GREB1: variants seen among roughly 807,000 people sequenced by gnomAD.
GREB1 encodes protein GREB1.
GREB1 carries 106 observed loss-of-function variants against 200.7 expected under a neutral mutation model. The observed-to-expected ratio is 0.53, with a 90% CI of 0.45 to 0.62. The LOEUF (loss-of-function observed/expected upper bound fraction) is 0.62. GREB1 is among the 20% of genes least tolerant of loss of function. The pLI is 0.00. For synonymous variants in GREB1, 1,132 were observed against 1,092.4 expected, an observed-to-expected ratio of 1.04 and a Z score of -0.72; for missense variants, 2,243 against 2,556.8, an observed-to-expected ratio of 0.88 and a Z score of 2.65.
intron 4 of GREB1, among the ~76,000 whole-genome samples, chr2:11,575,858 CTT>C (rs1424346449): frequency 1.3e-5 from 2 of 152,208 alleles, no homozygotes; most frequent in African/African-American, 4.8e-5. Context: ...TGGGATGGCT[CTT>C]GTCTTGCAAA....
At chr2:11,618,254 T>C (rs765591110) in intron 21 of GREB1, 34 bp from the exon 22 acceptor site, 2 of 1,530,360 alleles carry the variant, frequency 1.3e-6, no homozygotes, top group African/African-American at 1.4e-5. Context: ...AGGTACCTTC[T>C]AGGACGTCCC....
Position 11,492,407 on chromosome 2 carries a change from C to T in GREB1, c.-159+10026C>T, listed in dbSNP as rs565665502. 6.6e-6 allele frequency among the ~76,000 whole-genome samples: 1 copy of T among 152,332 alleles called. No individual in the cohort carries two copies. The highest frequency in any genetic ancestry group is 2.1e-4 in the South Asian group (1 of 4,830). On this transcript the variant is annotated intron_variant, in intron 1 of 2. Transcript: ENST00000628795. This position sits in a 1 kb window ranked among gnomAD's most constrained non-coding sequence, Gnocchi z 4.0. ...AAGACTGAGTCAGCTGTACTCCTGG[C>T]CATGTGTACAGAATTTCCGCAAAAG...
At chr2:11,595,979 G>A in intron 12 of GREB1, 132 bp from the exon 13 acceptor site, 1 of 807,108 alleles carries the variant, frequency 1.2e-6, no homozygotes, top group Non-Finnish European at 2.0e-6. Flanking sequence ...CCCCTTGACA[G>A]GACGGGCCAT....
At chr2:11,586,462 T>C (rs573377190) in intron 9 of GREB1, among the ~76,000 whole-genome samples, 8 of 152,218 alleles carry the variant, frequency 5.3e-5, no homozygotes, top group Non-Finnish European at 1.2e-4. Flanking sequence ...GGGTAGACTT[T>C]TGGCTCAGCT....
rs775836380 is a variant in GREB1, at chr2:11,634,266, A to G, written c.5127A>G (p.Gln1709=). The G allele has an allele frequency of 1.2e-6, 2 of 1,614,196 alleles. No homozygotes were observed. The highest frequency in any genetic ancestry group is 2.2e-5 in the South Asian group (2 of 91,084). The change falls in exon 29 of 33, where the codon CAA becomes CAG. Residue 1709 remains glutamine (Q), a synonymous_variant. Transcript: ENST00000381486. Reference sequence around the variant, plus strand: ...GCAAGACCCGGGCCAGCGAGGTGCAAGAGCCCTTCTCCCGCTGCCACGTGC... The same window carrying G: ...GCAAGACCCGGGCCAGCGAGGTGCAGGAGCCCTTCTCCCGCTGCCACGTGC... ...WSSKTRASEV[Q]EPFSRCHVHN... is the part of the protein sequence containing the mutation.
intron 16 of GREB1, 95 bp from the exon 17 acceptor site, chr2:11,602,311 T>C: frequency 2.7e-6 from 3 of 1,092,386 alleles, no homozygotes; most frequent in Non-Finnish European, 4.2e-6. Flanking sequence ...TTGGATGAAG[T>C]TGCCAACCCA....
rs1239903664 is a variant in GREB1 at position 11,633,980 on chromosome 2, C to A, written c.4992-151C>A. Reference sequence around the variant, plus strand: ...ATGAGCGCCCGTGGGAAGCGCCCAGCAGGGTGCCTGGCCCTGGGGGGACTG... The same window carrying A: ...ATGAGCGCCCGTGGGAAGCGCCCAGAAGGGTGCCTGGCCCTGGGGGGACTG... On this transcript the variant is annotated intron_variant, in intron 28 of 32. Transcript: ENST00000381486. The surrounding 1 kb of genome is among the most constrained non-coding windows in gnomAD (Gnocchi z 4.1). 1.4e-6 allele frequency: 1 copy of A among 698,666 alleles called. No homozygotes were observed. The highest frequency in any genetic ancestry group is 2.5e-6 in the Non-Finnish European group (1 of 394,632). 43.3% of individuals were successfully genotyped at this position (698,666 alleles called of 1,614,324 possible). A position where few individuals can be genotyped will look rare whatever the true frequency, so the allele number is the denominator to read the frequency against.
At chr2:11,518,258 T>G (rs1673577460) in intron 1 of GREB1, among the ~76,000 whole-genome samples, 1 of 152,196 alleles carries the variant, frequency 6.6e-6, no homozygotes, top group South Asian at 2.1e-4. Flanking sequence ...AATTTATGAC[T>G]TTGCAATCAT....
At chr2:11,536,811 A>G (rs1004238917) in intron 1 of GREB1, among the ~76,000 whole-genome samples, 3 of 152,190 alleles carry the variant, frequency 2.0e-5, no homozygotes, top group South Asian at 4.1e-4. Context: ...AGTCATTGCA[A>G]TTCACACCTA....
At chr2:11,551,767 A>C (rs548950484) in intron 1 of GREB1, among the ~76,000 whole-genome samples, 1 of 152,300 alleles carries the variant, frequency 6.6e-6, no homozygotes, top group South Asian at 2.1e-4. Flanking sequence ...ATTCCCGGTC[A>C]TGGAACCAAG....
rs200154492 is a variant in GREB1 at position 11,598,843 on chromosome 2, G to A, written c.2316G>A (p.Ala772=). 208 of 1,613,818 alleles carry A rather than the reference G, an allele frequency of 1.3e-4. 1 individual carries two copies. Among genetic ancestry groups the A allele is most frequent in the Admixed American group, 2.3e-4 (14 of 60,020 alleles). Residue 772 remains alanine, a synonymous_variant, in exon 15 of 33, where the codon GCG becomes GCA. Transcript: ENST00000381486. ...TTTTTGTCCTAATCCATGACCATGC[G>A]CACTGGGATCTTGTGAGGTTAGATT... ...HTLFVLIHDH[A]HWDLVSSTVH... is the part of the protein sequence containing the mutation.
chr2:11,509,311 C>T (rs1558490575), intron 1 of GREB1, among the ~76,000 whole-genome samples: 1 of 151,912 alleles, frequency 6.6e-6, no homozygotes, highest in Admixed American at 6.6e-5. Context: ...TTTATGAGCC[C>T]CCATATATAT....
intron 25 of GREB1, among the ~76,000 whole-genome samples, chr2:11,628,131 C>G (rs1684613910): frequency 6.6e-6 from 1 of 152,236 alleles, no homozygotes; most frequent in Non-Finnish European, 1.5e-5. Context: ...TCAGTGGGAA[C>G]TCCAAGTGGA....
At position 11,610,742 on chromosome 2, in the gene GREB1, C is replaced by T. The variant is rs576179551; in HGVS notation, c.2721C>T (p.Tyr907=). 66 of 1,613,472 alleles carry T rather than the reference C, an allele frequency of 4.1e-5. 1 individual carries two copies. In the East Asian group the frequency reaches 1.1e-3, roughly 28 times the overall value. ...VIRTFVLVQH[Y]AAALMAVSGL... is the part of the protein sequence containing the mutation. ...GGACCTTTGTTCTCGTGCAGCACTACGCGGCCGCCCTGATGGCCGTAAGCG... is the reference window on the plus strand; with the variant it reads ...GGACCTTTGTTCTCGTGCAGCACTATGCGGCCGCCCTGATGGCCGTAAGCG... The change falls in exon 18 of 33, where the codon TAC becomes TAT. Residue 907 remains tyrosine, a synonymous_variant. Coordinates refer to ENST00000381486, the MANE Select transcript of GREB1 (RefSeq NM_014668.4).
At chr2:11,605,192 T>TG (rs1558621411) in intron 17 of GREB1, among the ~76,000 whole-genome samples, 2 of 129,398 alleles carry the variant, frequency 1.5e-5, no homozygotes, top group South Asian at 2.6e-4. Flanking sequence ...GCAGCTTTAA[T>TG]GGGGAATAAC....
Position 11,607,540 on chromosome 2 carries a change from A to G in GREB1, c.2667-3148A>G, listed in dbSNP as rs1558625097. 2.4e-3 allele frequency among the ~76,000 whole-genome samples: 345 copies of G among 146,380 alleles called. 2 individuals carry two copies. The highest frequency in any genetic ancestry group is 8.1e-3 in the African/African-American group (319 of 39,330). On this transcript the variant is annotated intron_variant, in intron 17 of 32. Transcript: ENST00000381486. Reference sequence around the variant, plus strand: ...CATACATATATATACACATATATATACATATATGTACATACATATATATAC... The same window carrying G: ...CATACATATATATACACATATATATGCATATATGTACATACATATATATAC...
rs140242339 is a variant in GREB1, at chr2:11,623,891, G to C, written c.4148-1263G>C. ...CACTCCAGCCTGGGTGACAGAGCGA[G>C]ACTCTGTCTCAAGAAAAAAACAACA... On this transcript the variant is annotated intron_variant, in intron 23 of 32. Transcript: ENST00000381486. Among the ~76,000 whole-genome samples the C allele has an allele frequency of 2.1e-3, 320 of 152,180 alleles. 5 individuals carry two copies. The highest frequency in any genetic ancestry group is 7.5e-3 in the African/African-American group (312 of 41,536).
At chr2:11,562,870 AT>A in intron 3 of GREB1, 1 of 268,262 alleles carries the variant, frequency 3.7e-6, no homozygotes. Context: ...CCAGACATTC[AT>A]TTTTCTGTGT....
intron 1 of GREB1, among the ~76,000 whole-genome samples, chr2:11,502,726 CAG>C (rs1355092611): frequency 6.6e-6 from 1 of 152,132 alleles, no homozygotes; most frequent in Non-Finnish European, 1.5e-5. Flanking sequence ...TTATTGACCT[CAG>C]ATATTGTACC....
Sources: gnomAD v4.1 joint callset for allele counts (sites outside exome capture counted in the v4.1 genomes callset) on GRCh38, gnomAD v4.1.1 for gene constraint, Gnocchi (gnomAD v3.1) non-coding constraint, MANE v1.5 for transcripts, NCBI Gene and HGNC (gene_info 2026-07-23, HGNC 2026-07-21) for gene names.